Variants in CLSTN1 observed in about 807,000 individuals in gnomAD.
CLSTN1 encodes the protein calsyntenin 1, also known as calsyntenin-1.
A neutral mutation model predicts 108.3 loss-of-function variants in CLSTN1; 28 were observed. The ratio of observed to expected loss-of-function variants is 0.26; its 90% CI spans 0.19 to 0.35. The LOEUF is 0.35. Ranked by LOEUF, CLSTN1 falls within the 10% of genes least tolerant of loss-of-function variation. The pLI is 1.00. For missense variants in CLSTN1, 1,157 were observed against 1,302.6 expected (o/e 0.89, Z 1.72); for synonymous variants, 524 against 534.9 (o/e 0.98, Z 0.28).
intron 2 of CLSTN1, among the ~76,000 whole-genome samples, chr1:9,763,781 G>A (rs1652194598): frequency 6.6e-6 from 1 of 152,028 alleles, no homozygotes; most frequent in Non-Finnish European, 1.5e-5. Context: ...CCTACCCTGG[G>A]AGGCCCTTCC....
At chr1:9,746,139 C>T (rs1032686445) in intron 7 of CLSTN1, among the ~76,000 whole-genome samples, 5 of 152,080 alleles carry the variant, frequency 3.3e-5, no homozygotes, top group Non-Finnish European at 7.4e-5. Flanking sequence ...AGAGGCTGTC[C>T]CTAACCTTTT....
intron 1 of CLSTN1, among the ~76,000 whole-genome samples, chr1:9,805,866 CAAAA>C (rs56899514): frequency 9.4e-5 from 7 of 74,860 alleles, no homozygotes; most frequent in Non-Finnish European, 1.8e-4. Flanking sequence ...GACTCTGTCT[CAAAA>C]AAAAAAAAAA....
intron 12 of CLSTN1, 98 bp downstream of exon 12, chr1:9,735,786 CG>C (rs1489387717): frequency 6.6e-7 from 1 of 1,517,978 alleles, no homozygotes; most frequent in African/African-American, 1.4e-5. Flanking sequence ...CAACAGTAAA[CG>C]TATCAATCAC....
At chr1:9,736,740 T>C (rs959030796) in intron 11 of CLSTN1, among the ~76,000 whole-genome samples, 2 of 152,176 alleles carry the variant, frequency 1.3e-5, no homozygotes, top group Non-Finnish European at 2.9e-5. Flanking sequence ...GGTACAGAAA[T>C]CAGGCACTGT....
In CLSTN1 at chr1:9,731,852, G is replaced by A; in HGVS notation, c.2472C>T (p.His824=). ...HTANPMEHAN[H]MAAQPQFVHP... ...GCACGAACTGTGGCTGGGCAGCCAT[G>A]TGGTTGGCGTGTTCCATGGGGTTGG... Residue 824 remains histidine (H), a synonymous_variant, in exon 17 of 19, where the codon CAC becomes CAT. Coordinates refer to ENST00000377298, the MANE Select transcript of CLSTN1 (RefSeq NM_001009566.3). 1 of 1,614,176 alleles carries A rather than the reference G, an allele frequency of 6.2e-7. No individual in the cohort carries two copies. Among genetic ancestry groups the A allele is most frequent in the Non-Finnish European group, 8.5e-7 (1 of 1,180,036 alleles).
chr1:9,823,671 C>T lies in CLSTN1; in HGVS notation c.63G>A (p.Leu21=). ...PAARLLLAGL[L]CGGGVWAARV... is the part of the protein sequence containing the mutation. The stretch of plus-strand genomic sequence containing the variant: ...GCGCGGCCCAGACCCCGCCGCCGCA[C>T]AGCAGCCCGGCCAGCAGCAGCCGGG... The change falls in exon 1 of 19, where the codon CTG becomes CTA. Residue 21 remains leucine (L), a synonymous_variant. Transcript: ENST00000377298. The surrounding 1 kb of genome is among the most constrained non-coding windows in gnomAD (Gnocchi z 6.3). 2 of 1,176,390 alleles carry T rather than the reference C, an allele frequency of 1.7e-6. No homozygotes were observed. Among genetic ancestry groups the T allele is most frequent in the Non-Finnish European group, 2.1e-6 (2 of 951,262 alleles). The allele number at this position is 1,176,390 out of a possible 1,614,324, so 72.9% of individuals were successfully genotyped here. A position where few individuals can be genotyped will look rare whatever the true frequency, so the allele number is the denominator to read the frequency against.
intron 4 of CLSTN1, among the ~76,000 whole-genome samples, chr1:9,753,523 T>C (rs1298235001): frequency 6.6e-6 from 1 of 151,560 alleles, no homozygotes; most frequent in Non-Finnish European, 1.5e-5. Context: ...CGGAGTTTCA[T>C]TCTTTTTGCC....
intron 18 of CLSTN1, 98 bp downstream of exon 18, chr1:9,731,108 G>T: frequency 7.2e-7 from 1 of 1,396,734 alleles, no homozygotes; most frequent in Non-Finnish European, 1.0e-6. Flanking sequence ...TGACGCGATG[G>T]AAAGCATGTG....
At chr1:9,733,864 C>A in intron 15 of CLSTN1, 108 bp downstream of exon 15, 2 of 1,218,944 alleles carry the variant, frequency 1.6e-6, no homozygotes, top group Admixed American at 2.1e-5. Context: ...CCCCATCTCC[C>A]TCTAAGATAA....
Position 9,730,448 on chromosome 1 carries a change from GGGAGAAC to G in CLSTN1, c.*53_*59del. The G allele has an allele frequency of 2.0e-6, 3 of 1,493,780 alleles. No individual in the cohort carries two copies. The highest frequency in any genetic ancestry group is 2.3e-4 in the Middle Eastern group (1 of 4,296). 92.5% of individuals were successfully genotyped at this position (1,493,780 alleles called of 1,614,324 possible). ...TTGTACATCGTGGACCCTTGGGACT[GGGAGAAC>G]GGATGGCAGCAGAGTCTTCGAAAGC... On this transcript the variant is annotated 3_prime_UTR_variant, in exon 19 of 19. Coordinates refer to ENST00000377298, the MANE Select transcript of CLSTN1 (RefSeq NM_001009566.3). The surrounding 1 kb of genome is among the most constrained non-coding windows in gnomAD (Gnocchi z 5.6).
At chr1:9,742,190 T>TG (rs1351045932) in intron 9 of CLSTN1, among the ~76,000 whole-genome samples, 1 of 152,230 alleles carries the variant, frequency 6.6e-6, no homozygotes, top group Non-Finnish European at 1.5e-5. Flanking sequence ...ACTGGCTATT[T>TG]GATCGTATTA....
intron 11 of CLSTN1, among the ~76,000 whole-genome samples, chr1:9,737,032 C>CA (rs1650727814): frequency 6.6e-6 from 1 of 152,034 alleles, no homozygotes; most frequent in Non-Finnish European, 1.5e-5. Flanking sequence ...AAGACCGCGC[C>CA]ACTGCACTCC....
At chr1:9,819,099 A>T (rs1179648045) in intron 1 of CLSTN1, among the ~76,000 whole-genome samples, 1 of 151,928 alleles carries the variant, frequency 6.6e-6, no homozygotes, top group African/African-American at 2.4e-5. Flanking sequence ...CGGCCCCTTC[A>T]AGCAAGTCTT....
rs1655293948 is a variant in CLSTN1 at position 9,823,893 on chromosome 1, C to CG, written c.-161dup. On this transcript the variant is annotated 5_prime_UTR_variant, in exon 1 of 19. Coordinates refer to ENST00000377298, the MANE Select transcript of CLSTN1 (RefSeq NM_001009566.3). The surrounding 1 kb of genome is among the most constrained non-coding windows in gnomAD (Gnocchi z 6.3). ...CGCCGCCGCCGCCGTGACGCTGGGC[C>CG]GCGCGCTCAGGACGCGGCGCCCTCC... 2 of 194,086 alleles carry CG rather than the reference C, an allele frequency of 1.0e-5. No homozygotes were observed. The highest frequency in any genetic ancestry group is 3.3e-4 in the South Asian group (2 of 6,030). 12.0% of individuals were successfully genotyped at this position (194,086 alleles called of 1,614,324 possible). A position where few individuals can be genotyped will look rare whatever the true frequency, so the allele number is the denominator to read the frequency against.
intron 16 of CLSTN1, among the ~76,000 whole-genome samples, chr1:9,732,532 A>AT (rs1491206440): frequency 3.3e-5 from 5 of 152,298 alleles, no homozygotes; most frequent in African/African-American, 1.2e-4. Flanking sequence ...ATTTCCTTTC[A>AT]TATCTCTTAC....
chr1:9,762,627 C>T (rs1319661020), intron 2 of CLSTN1, among the ~76,000 whole-genome samples: 5 of 149,966 alleles, frequency 3.3e-5, no homozygotes, highest in Non-Finnish European at 7.4e-5. Flanking sequence ...CACTCAACGG[C>T]TGGGTGTCCG....
intron 11 of CLSTN1, among the ~76,000 whole-genome samples, chr1:9,736,311 G>A (rs918125530): frequency 1.3e-5 from 2 of 152,120 alleles, no homozygotes; most frequent in Non-Finnish European, 2.9e-5. Context: ...CCACACCTCT[G>A]GCCACTACCT....
chr1:9,737,594 G>C, intron 10 of CLSTN1, 40 bp from the exon 11 acceptor site: 1 of 1,584,238 alleles, frequency 6.3e-7, no homozygotes, highest in South Asian at 1.1e-5. Flanking sequence ...AAAGGACTGA[G>C]AGGTTAGGGT....
At position 9,734,843 on chromosome 1, in the gene CLSTN1, A is replaced by G. The variant is rs1018270978; in HGVS notation, c.2110+105T>C. 3 of 970,958 alleles carry G rather than the reference A, an allele frequency of 3.1e-6. No individual in the cohort carries two copies. Among genetic ancestry groups the G allele is most frequent in the Non-Finnish European group, 4.7e-6 (3 of 633,780 alleles). 60.1% of individuals were successfully genotyped at this position (970,958 alleles called of 1,614,324 possible). On this transcript the variant is annotated intron_variant, in intron 14 of 18. Transcript: ENST00000377298. The surrounding 1 kb of genome is among the most constrained non-coding windows in gnomAD (Gnocchi z 4.8). Reference sequence around the variant, plus strand: ...CCCGAGAGAACACCAACGAAAGATTAAAACCTCCCCAAATCCCACAGAGAC... The same window carrying G: ...CCCGAGAGAACACCAACGAAAGATTGAAACCTCCCCAAATCCCACAGAGAC...
Sources: allele counts gnomAD v4.1 joint callset (sites outside exome capture counted in the v4.1 genomes callset), GRCh38; gene constraint gnomAD v4.1.1; non-coding constraint Gnocchi (gnomAD v3.1); transcripts MANE v1.5; gene names NCBI Gene and HGNC (gene_info 2026-07-23, HGNC 2026-07-21).